The following TAF3 variants were observed in gnomAD, a reference collection of about 807,000 sequenced individuals.
The protein encoded by TAF3 is TATA-box binding protein associated factor 3.
TAF3 carries 7 observed loss-of-function variants against 80.6 expected under a neutral mutation model. That is an observed-to-expected ratio of 0.09 (90% CI 0.05 to 0.16). The LOEUF is 0.16. Among genes scored for constraint, TAF3 ranks in the 10% least tolerant of loss-of-function variants. The pLI, the probability that TAF3 is intolerant of heterozygous loss-of-function variation, is 1.00. For synonymous variants in TAF3, 444 were observed against 446.1 expected (o/e 1.00, Z 0.06); for missense variants, 921 against 1,140.2 (o/e 0.81, Z 2.77).
chr10:7,872,861 C>T (rs770118422), intron 2 of TAF3, among the ~76,000 whole-genome samples: 20 of 152,064 alleles, frequency 1.3e-4, no homozygotes, highest in Non-Finnish European at 2.4e-4. Flanking sequence ...TATAAAATAA[C>T]ATTAAATGTG....
At chr10:7,994,494 A>G (rs1831865416) in intron 4 of TAF3, among the ~76,000 whole-genome samples, 1 of 152,142 alleles carries the variant, frequency 6.6e-6, no homozygotes, top group Non-Finnish European at 1.5e-5. Flanking sequence ...CAGATTTAAT[A>G]TTACTGTTAC....
At chr10:7,828,406 T>C (rs535341615) in intron 2 of TAF3, among the ~76,000 whole-genome samples, 1 of 152,322 alleles carries the variant, frequency 6.6e-6, no homozygotes, top group South Asian at 2.1e-4. Flanking sequence ...GAAGGAGTTA[T>C]TGCCTGCTTT....
In TAF3 at chr10:8,013,853, G is replaced by T. The variant is rs751274230; in HGVS notation, c.2675+16G>T. The T allele has an allele frequency of 2.5e-6, 4 of 1,604,110 alleles. No homozygotes were observed. The highest frequency in any genetic ancestry group is 3.4e-6 in the Non-Finnish European group (4 of 1,171,098). ...GGTACCACTGGTGAGTGCCCAGGGC[G>T]CCCTGCCGGCCACACTCATTAGGCA... On this transcript the variant is annotated intron_variant, in intron 6 of 6. Transcript: ENST00000344293.
intron 2 of TAF3, among the ~76,000 whole-genome samples, chr10:7,879,824 T>G (rs1422964241): frequency 6.6e-6 from 1 of 152,222 alleles, no homozygotes; most frequent in East Asian, 1.9e-4. Context: ...TGCAATTAAA[T>G]AAAATACATA....
intron 4 of TAF3, among the ~76,000 whole-genome samples, chr10:7,983,143 G>T (rs1396802435): frequency 6.6e-6 from 1 of 152,118 alleles, no homozygotes; most frequent in Non-Finnish European, 1.5e-5. Flanking sequence ...GGTGGTCCTG[G>T]CCACTCAGGC....
chr10:7,857,005 A>T (rs1425347270), intron 2 of TAF3, among the ~76,000 whole-genome samples: 2 of 152,224 alleles, frequency 1.3e-5, no homozygotes, highest in Non-Finnish European at 2.9e-5. Context: ...ATTCTCAGAG[A>T]ATGCTTTTGT....
At chr10:7,932,098 G>A (rs1837873766) in intron 2 of TAF3, among the ~76,000 whole-genome samples, 1 of 152,156 alleles carries the variant, frequency 6.6e-6, no homozygotes, top group African/African-American at 2.4e-5. Context: ...TGGAAAAACT[G>A]AGTCTTAGAA....
At chr10:7,888,260 A>G (rs1837427921) in intron 2 of TAF3, among the ~76,000 whole-genome samples, 1 of 151,976 alleles carries the variant, frequency 6.6e-6, no homozygotes, top group Admixed American at 6.6e-5. Context: ...TTGCTTCTTT[A>G]CTCCTTAACC....
At chr10:7,828,099 G>A (rs1836761924) in intron 2 of TAF3, among the ~76,000 whole-genome samples, 1 of 152,154 alleles carries the variant, frequency 6.6e-6, no homozygotes, top group African/African-American at 2.4e-5. Context: ...GCTGCATTCA[G>A]TGGCACACCC....
At chr10:7,981,204 T>C (rs1188007490) in intron 4 of TAF3, among the ~76,000 whole-genome samples, 1 of 152,228 alleles carries the variant, frequency 6.6e-6, no homozygotes, top group Non-Finnish European at 1.5e-5. Context: ...CTCAGATTTC[T>C]CAAACGTCTC....
Position 7,965,155 on chromosome 10 carries a change from A to C in TAF3, c.1645A>C (p.Asn549His). The change falls in exon 3 of 7, where the codon AAC (asparagine) becomes CAC (histidine). Residue 549 changes from asparagine (N) to histidine (H), a missense_variant. This residue lies in a region of TAF3 where 743 missense variants were observed against 821.0 expected (regional missense o/e 0.90). Coordinates refer to ENST00000344293, the MANE Select transcript of TAF3 (RefSeq NM_031923.4). ...QRDREREKDK[N>H]KDKSKEKDKV... ...AGATAGGGAGAGGGAAAAAGACAAG[A>C]ACAAGGACAAAAGTAAGGAGAAGGA... 1 of 1,611,546 alleles carries C rather than the reference A, an allele frequency of 6.2e-7. No individual in the cohort carries two copies. The highest frequency in any genetic ancestry group is 8.5e-7 in the Non-Finnish European group (1 of 1,179,342).
At chr10:7,942,222 A>G (rs1250778080) in intron 2 of TAF3, among the ~76,000 whole-genome samples, 1 of 152,218 alleles carries the variant, frequency 6.6e-6, no homozygotes, top group Non-Finnish European at 1.5e-5. Flanking sequence ...ACGATGCATA[A>G]ATTGCGTTTT....
chr10:7,987,359 T>C (rs576959799), intron 4 of TAF3, among the ~76,000 whole-genome samples: 85 of 152,254 alleles, frequency 5.6e-4, no homozygotes, highest in African/African-American at 1.9e-3. Flanking sequence ...TTACACATAC[T>C]GTTCAGCAGC....
intron 2 of TAF3, among the ~76,000 whole-genome samples, chr10:7,850,015 A>G (rs1272416325): frequency 6.6e-6 from 1 of 151,698 alleles, no homozygotes; most frequent in African/African-American, 2.4e-5. Flanking sequence ...AATAGGGAAT[A>G]TTATTTGTTA....
intron 2 of TAF3, among the ~76,000 whole-genome samples, chr10:7,918,369 A>G (rs1198703581): frequency 6.6e-6 from 1 of 152,178 alleles, no homozygotes; most frequent in African/African-American, 2.4e-5. Context: ...AGAGGGTCCA[A>G]TGCAGTGCCA....
chr10:7,958,573 A>T (rs1033872024), intron 2 of TAF3, among the ~76,000 whole-genome samples: 2 of 152,190 alleles, frequency 1.3e-5, no homozygotes, highest in Non-Finnish European at 2.9e-5. Context: ...TAAAACTACA[A>T]AGGAAACAGA....
chr10:7,838,908 G>GTTTTTTTTTTTTTTTTTTTTTTTTTTTT (rs71505463), intron 2 of TAF3, among the ~76,000 whole-genome samples: 1 of 101,862 alleles, frequency 9.8e-6, no homozygotes, highest in Non-Finnish European at 1.9e-5. Context: ...GGCATTGCTT[G>GTTTTTTTTTTTTTTTTTTTTTTTTTTTT]TTTTTTTTTT....
intron 5 of TAF3, among the ~76,000 whole-genome samples, chr10:8,011,056 C>G (rs939380806): frequency 6.6e-6 from 1 of 152,130 alleles, no homozygotes; most frequent in Admixed American, 6.5e-5. Context: ...ATTAAACACA[C>G]AAACACACAA....
At chr10:7,892,160 T>C (rs1837461825) in intron 2 of TAF3, among the ~76,000 whole-genome samples, 1 of 152,238 alleles carries the variant, frequency 6.6e-6, no homozygotes, top group South Asian at 2.1e-4. Context: ...CTTATTTTGC[T>C]CCTTAGCTTC....
Sources: gnomAD v4.1 joint callset for allele counts (sites outside exome capture counted in the v4.1 genomes callset) on GRCh38, gnomAD v4.1.1 for gene constraint, gnomAD v4.1.1 regional missense constraint, MANE v1.5 for transcripts, NCBI Gene and HGNC (gene_info 2026-07-23, HGNC 2026-07-21) for gene names.